Variants in PIGL observed in about 807,000 individuals in gnomAD.
The protein encoded by PIGL is N-acetylglucosaminyl-phosphatidylinositol de-N-acetylase.
In PIGL, 22 loss-of-function variants were observed where a neutral mutation model predicts 31.1. The ratio of observed to expected loss-of-function variants is 0.71; its 90% confidence interval spans 0.51 to 1.01. The LOEUF (loss-of-function observed/expected upper bound fraction) is 1.01. Among genes scored for constraint, PIGL ranks in the 50% least tolerant of loss-of-function variants. PIGL has a pLI of 0.00. For synonymous variants in PIGL, 131 were observed against 117.4 expected (o/e 1.12, Z -0.75); for missense variants, 302 against 315.9 (o/e 0.96, Z 0.33).
chr17:16,272,394 T>C (rs1255321681), intron 2 of PIGL, among the ~76,000 whole-genome samples: 1 of 152,198 alleles, frequency 6.6e-6, no homozygotes, highest in Non-Finnish European at 1.5e-5. Flanking sequence ...AATTTTCATT[T>C]GCCTCTATTC....
At chr17:16,279,857 G>A (rs1851341319) in intron 2 of PIGL, 1 of 152,274 alleles carries the variant, frequency 6.6e-6, no homozygotes, top group African/African-American at 2.4e-5. Flanking sequence ...GATGGTCAGA[G>A]TCAGGCAGGG....
At chr17:16,293,559 C>T (rs1031937401) in intron 2 of PIGL, among the ~76,000 whole-genome samples, 1 of 152,330 alleles carries the variant, frequency 6.6e-6, no homozygotes. Context: ...ATCTTTCAAA[C>T]ATCTTGCTTA....
intron 1 of PIGL, among the ~76,000 whole-genome samples, chr17:16,224,041 C>A (rs2142642477): frequency 1.3e-5 from 2 of 152,006 alleles, no homozygotes; most frequent in East Asian, 3.9e-4. Flanking sequence ...GTGGTGAAAC[C>A]CTGTCTCTAC....
rs577312108 is a variant in PIGL at position 16,252,612 on chromosome 17, A to G, written c.335+18542A>G. Reference sequence around the variant, plus strand: ...TATGTATATAATTTTTAAAACATATATATAATTTAAAAGACTATCCTACAC... The same window carrying G: ...TATGTATATAATTTTTAAAACATATGTATAATTTAAAAGACTATCCTACAC... On this transcript the variant is annotated intron_variant, in intron 2 of 6. Transcript: ENST00000225609. Among the ~76,000 whole-genome samples the G allele has an allele frequency of 3.3e-5, 5 of 149,506 alleles. No homozygotes were observed. The South Asian group carries it at 6.3e-4, about 19-fold the overall frequency.
Position 16,262,428 on chromosome 17 carries a change from G to A in PIGL, c.335+28358G>A, listed in dbSNP as rs369814619. Among the ~76,000 whole-genome samples the A allele has an allele frequency of 9.1e-4, 138 of 152,276 alleles. 1 individual carries two copies. In the South Asian group the frequency reaches 0.026, roughly 28 times the overall value. On this transcript the variant is annotated intron_variant, in intron 2 of 6. Coordinates refer to ENST00000225609, the MANE Select transcript of PIGL (RefSeq NM_004278.4). Reference sequence around the variant, plus strand: ...TTTTAAAGGAAAAATAAAAGTGTTCGTGTGAATGCTGAGATATTGGAACCC... The same window carrying A: ...TTTTAAAGGAAAAATAAAAGTGTTCATGTGAATGCTGAGATATTGGAACCC...
chr17:16,220,688 T>C (rs1172983593), intron 1 of PIGL, among the ~76,000 whole-genome samples: 1 of 152,028 alleles, frequency 6.6e-6, no homozygotes, highest in African/African-American at 2.4e-5. Flanking sequence ...GCTTTCTCCA[T>C]GTTGGTCAGG....
chr17:16,323,320 A>G (rs1184364461), intron 6 of PIGL, among the ~76,000 whole-genome samples: 1 of 149,982 alleles, frequency 6.7e-6, no homozygotes, highest in Non-Finnish European at 1.5e-5. Context: ...TGCAACCTCC[A>G]CCTCCCAGGT....
chr17:16,291,765 T>C (rs532190503), intron 2 of PIGL, among the ~76,000 whole-genome samples: 69 of 151,230 alleles, frequency 4.6e-4, no homozygotes, highest in Admixed American at 5.9e-4. Flanking sequence ...CTCGGGAGGC[T>C]GAAGCAGAAG....
chr17:16,272,247 A>G (rs1243745647), intron 2 of PIGL, among the ~76,000 whole-genome samples: 1 of 152,226 alleles, frequency 6.6e-6, no homozygotes, highest in Non-Finnish European at 1.5e-5. Context: ...AGAATAGTTA[A>G]CAGCAATCTG....
intron 2 of PIGL, among the ~76,000 whole-genome samples, chr17:16,289,758 G>A (rs1052791211): frequency 7.9e-5 from 12 of 151,966 alleles, no homozygotes; most frequent in African/African-American, 2.7e-4. Flanking sequence ...ATGTCACATA[G>A]GCAGGGCAAT....
At chr17:16,266,409 G>C (rs923878810) in intron 2 of PIGL, among the ~76,000 whole-genome samples, 1 of 109,998 alleles carries the variant, frequency 9.1e-6, no homozygotes, top group Non-Finnish European at 2.0e-5. Flanking sequence ...AAAAAAAAAA[G>C]AATGAATATC....
intron 2 of PIGL, among the ~76,000 whole-genome samples, chr17:16,239,600 T>C (rs1411375069): frequency 6.6e-6 from 1 of 152,178 alleles, no homozygotes; most frequent in African/African-American, 2.4e-5. Context: ...CATGATATCA[T>C]ACAGAAATGT....
chr17:16,220,084 T>C (rs995692002), intron 1 of PIGL, among the ~76,000 whole-genome samples: 2 of 151,984 alleles, frequency 1.3e-5, no homozygotes, highest in Non-Finnish European at 2.9e-5. Flanking sequence ...GCATGGTGGC[T>C]CATGCCTGTA....
intron 2 of PIGL, among the ~76,000 whole-genome samples, chr17:16,266,240 A>C (rs4588022): frequency 0.012 from 1,787 of 151,344 alleles, 47 homozygotes; most frequent in African/African-American, 0.041. Flanking sequence ...CATGGTGAAA[A>C]CCCATCTCTA....
intron 2 of PIGL, among the ~76,000 whole-genome samples, chr17:16,252,297 C>A (rs922514071): frequency 6.6e-6 from 1 of 151,952 alleles, no homozygotes; most frequent in Non-Finnish European, 1.5e-5. Context: ...TGGTCTCGAT[C>A]TCTTGACCTC....
chr17:16,218,341 C>G (rs1034683506), intron 1 of PIGL: 13 of 151,924 alleles, frequency 8.6e-5, no homozygotes, highest in African/African-American at 3.1e-4. Context: ...ATTTATTTAC[C>G]AAATACTTAT....
At chr17:16,238,779 C>T (rs939795429) in intron 2 of PIGL, among the ~76,000 whole-genome samples, 9 of 150,072 alleles carry the variant, frequency 6.0e-5, no homozygotes, top group African/African-American at 7.3e-5. Context: ...TGTGGTGGTA[C>T]GTGCCTGTAA....
At chr17:16,281,344 T>G (rs137906787) in intron 2 of PIGL, among the ~76,000 whole-genome samples, 33 of 152,314 alleles carry the variant, frequency 2.2e-4, no homozygotes, top group African/African-American at 7.7e-4. Flanking sequence ...CTAAGAAAAG[T>G]CCAAGCATTT....
intron 2 of PIGL, among the ~76,000 whole-genome samples, chr17:16,256,673 TTTTG>T (rs2092794912): frequency 7.2e-6 from 1 of 138,732 alleles, no homozygotes; most frequent in Admixed American, 7.2e-5. Flanking sequence ...TATAGTTGTT[TTTTG>T]TTTGTTTTGT....
Sources: gnomAD v4.1 joint callset for allele counts (sites outside exome capture counted in the v4.1 genomes callset) on GRCh38, gnomAD v4.1.1 for gene constraint, MANE v1.5 for transcripts, NCBI Gene and HGNC (gene_info 2026-07-23, HGNC 2026-07-21) for gene names.